Variants in GYS1 observed in about 807,000 individuals in gnomAD.
GYS1 encodes glycogen [starch] synthase, muscle.
In GYS1, 60 loss-of-function variants were observed where a neutral mutation model predicts 89.1. The observed-to-expected ratio is 0.67, with a 90% confidence interval of 0.55 to 0.84. The LOEUF is 0.84. GYS1 is among the 40% of genes least tolerant of loss of function. GYS1 has a pLI of 0.00. For synonymous variants in GYS1, 366 were observed against 401.7 expected, an observed-to-expected ratio of 0.91 and a Z score of 1.06; for missense variants, 888 against 1,003.1, an observed-to-expected ratio of 0.89 and a Z score of 1.55.
intron 4 of GYS1, 40 bp downstream of exon 4, chr19:48,985,810 G>GCATACTC (rs1239001710): frequency 3.1e-6 from 5 of 1,604,956 alleles, no homozygotes; most frequent in Non-Finnish European, 1.7e-6. Flanking sequence ...GGTTTTCCTG[G>GCATACTC]CATACTCGCA....
At chr19:48,977,477 C>A (rs2038674249) in intron 10 of GYS1, among the ~76,000 whole-genome samples, 1 of 151,930 alleles carries the variant, frequency 6.6e-6, no homozygotes, top group Non-Finnish European at 1.5e-5. Context: ...CCTGTAATCC[C>A]AGGTACTTGG....
chr19:48,984,361 G>A (rs1208903261), intron 5 of GYS1, among the ~76,000 whole-genome samples: 5 of 150,388 alleles, frequency 3.3e-5, no homozygotes, highest in Non-Finnish European at 4.4e-5. Flanking sequence ...ATCCACATGA[G>A]TCCAATTTTG....
At chr19:48,980,687 AAAAG>A (rs2038746306) in intron 8 of GYS1, among the ~76,000 whole-genome samples, 1 of 151,912 alleles carries the variant, frequency 6.6e-6, no homozygotes, top group African/African-American at 2.4e-5. Flanking sequence ...AGAGAAAAGA[AAAAG>A]AAACTAAGCC....
At chr19:48,980,796 A>G (rs2038748326) in intron 8 of GYS1, among the ~76,000 whole-genome samples, 1 of 152,130 alleles carries the variant, frequency 6.6e-6, no homozygotes, top group African/African-American at 2.4e-5. Flanking sequence ...CCTGGCCAAC[A>G]TGGTGAAACC....
rs1273172369 is a variant in GYS1, at chr19:48,985,863, T to C, written c.665A>G (p.Asn222Ser). The change falls in exon 4 of 16, where the codon AAC becomes AGC. Residue 222 changes from asparagine to serine, a missense_variant. Transcript: ENST00000323798. ...GTCCCAGCTCACGTTCTCCAGGTTGTTGTAGAAGTCCACGGCACCGGCACA... is the reference window on the plus strand; with the variant it reads ...GTCCCAGCTCACGTTCTCCAGGTTGCTGTAGAAGTCCACGGCACCGGCACA... ...YLCAGAVDFYNNLENFNVDKE... is the reference protein window; with the variant it reads ...YLCAGAVDFYSNLENFNVDKE... The C allele has an allele frequency of 2.5e-6, 4 of 1,613,492 alleles. No individual in the cohort carries two copies. The highest frequency in any genetic ancestry group is 8.5e-7 in the Non-Finnish European group (1 of 1,180,034).
intron 5 of GYS1, among the ~76,000 whole-genome samples, 169 bp downstream of exon 5, chr19:48,985,292 C>G (rs143015016): frequency 6.6e-6 from 1 of 152,348 alleles, no homozygotes; most frequent in East Asian, 1.9e-4. Flanking sequence ...CTGCCTTGGC[C>G]TCTCAAAGTG....
At chr19:48,971,573 G>A (rs1225739683) in intron 12 of GYS1, among the ~76,000 whole-genome samples, 8 of 145,844 alleles carry the variant, frequency 5.5e-5, no homozygotes, top group South Asian at 2.2e-4. Context: ...TTTTTCTTTC[G>A]AGACAGGGTC....
intron 8 of GYS1, among the ~76,000 whole-genome samples, chr19:48,979,812 A>AT (rs1568621012): frequency 6.7e-6 from 1 of 149,706 alleles, no homozygotes; most frequent in Admixed American, 6.7e-5. Flanking sequence ...CGCCCTGCTG[A>AT]TTTTTTTTAT....
chr19:48,990,013 G>GGA (rs1025387466), intron 2 of GYS1, among the ~76,000 whole-genome samples: 15 of 148,804 alleles, frequency 1.0e-4, no homozygotes, highest in African/African-American at 3.7e-4. Flanking sequence ...GGGGGGGGGG[G>GGA]CTATTCTTAG....
intron 12 of GYS1, among the ~76,000 whole-genome samples, chr19:48,973,469 A>G (rs924516249): frequency 6.6e-6 from 1 of 151,500 alleles, no homozygotes; most frequent in African/African-American, 2.4e-5. Context: ...TTGTTAAATT[A>G]CTAATAAATT....
At chr19:48,985,741 G>A in intron 4 of GYS1, 109 bp downstream of exon 4, 1 of 1,505,626 alleles carries the variant, frequency 6.6e-7, no homozygotes, top group Non-Finnish European at 9.2e-7. Flanking sequence ...CTGGGGACTT[G>A]GACTCCTGGA....
intron 1 of GYS1, 62 bp downstream of exon 1, chr19:48,992,933 G>A: frequency 2.1e-6 from 2 of 941,778 alleles, no homozygotes; most frequent in South Asian, 2.6e-5. Flanking sequence ...ACAACTCAGA[G>A]TTCCGGGCCC....
intron 15 of GYS1, 71 bp downstream of exon 15, chr19:48,969,704 G>T (rs2038524373): frequency 1.3e-6 from 2 of 1,578,254 alleles, no homozygotes; most frequent in South Asian, 2.2e-5. Flanking sequence ...TCCCACTCCA[G>T]GAGGGACCCC....
At chr19:48,971,158 C>T in intron 12 of GYS1, 135 bp from the exon 13 acceptor site, 2 of 723,406 alleles carry the variant, frequency 2.8e-6, no homozygotes, top group Non-Finnish European at 5.1e-6. Flanking sequence ...TCGCTGAGCC[C>T]CCACAACCAG....
chr19:48,982,691 C>T lies in GYS1; in HGVS notation c.941+29G>A, dbSNP rs1568622603. The T allele has an allele frequency of 2.1e-6, 3 of 1,452,228 alleles. No individual in the cohort carries two copies. In the South Asian group the frequency reaches 3.4e-5, roughly 17 times the overall value. The allele number at this position is 1,452,228 out of a possible 1,614,324, so 90.0% of individuals were successfully genotyped here. ...GGTTAGGCTCCCAACGCCCTCCTCT[C>T]TTAAGACCTAGGTATATGCCCCACG... On this transcript the variant is annotated intron_variant, in intron 6 of 15. Coordinates refer to ENST00000323798, the MANE Select transcript of GYS1 (RefSeq NM_002103.5).
chr19:48,988,881 A>G (rs1416515090), intron 2 of GYS1, among the ~76,000 whole-genome samples: 1 of 151,948 alleles, frequency 6.6e-6, no homozygotes, highest in Non-Finnish European at 1.5e-5. Flanking sequence ...TACAGGCGTG[A>G]GCTACTGCAC....
intron 10 of GYS1, among the ~76,000 whole-genome samples, chr19:48,977,531 T>C (rs2038675359): frequency 6.6e-6 from 1 of 152,056 alleles, no homozygotes. Context: ...AGGCAGAGGT[T>C]GCAGTGAGCC....
intron 5 of GYS1, among the ~76,000 whole-genome samples, chr19:48,984,952 A>T (rs1053970751): frequency 3.9e-5 from 6 of 151,926 alleles, no homozygotes; most frequent in Non-Finnish European, 8.8e-5. Flanking sequence ...TCGTAGGCTA[A>T]CATAAAGTGT....
intron 14 of GYS1, 34 bp from the exon 15 acceptor site, chr19:48,969,889 G>A (rs772542493): frequency 2.5e-5 from 37 of 1,502,954 alleles, no homozygotes; most frequent in Non-Finnish European, 3.2e-5. Context: ...CAGAGGATGT[G>A]AGAGCCAGGC....
Sources: allele counts gnomAD v4.1 joint callset (sites outside exome capture counted in the v4.1 genomes callset), GRCh38; gene constraint gnomAD v4.1.1; transcripts MANE v1.5; gene names NCBI Gene and HGNC (gene_info 2026-07-23, HGNC 2026-07-21).